STXBP6: variants seen among roughly 807,000 people sequenced by gnomAD.
The protein encoded by STXBP6 is syntaxin-binding protein 6.
In STXBP6, 21 loss-of-function variants were observed where a neutral mutation model predicts 26.9. That is an observed-to-expected ratio of 0.78 (90% CI 0.55 to 1.12). The LOEUF (loss-of-function observed/expected upper bound fraction) is 1.12. STXBP6 is among the 50% of genes most tolerant of loss of function. STXBP6 has a pLI of 0.00. For missense variants in STXBP6, 232 were observed against 257.9 expected, an observed-to-expected ratio of 0.90 and a Z score of 0.69; for synonymous variants, 97 against 92.6, an observed-to-expected ratio of 1.05 and a Z score of -0.27.
chr14:24,964,412 T>A (rs577478359), intron 2 of STXBP6, among the ~76,000 whole-genome samples: 2 of 152,304 alleles, frequency 1.3e-5, no homozygotes, highest in East Asian at 3.9e-4. Flanking sequence ...TAGTTTCTTC[T>A]GGAAAATTCT....
intron 2 of STXBP6, among the ~76,000 whole-genome samples, chr14:24,923,713 CT>C (rs1303190284): frequency 2.0e-5 from 3 of 152,158 alleles, no homozygotes; most frequent in African/African-American, 7.2e-5. Flanking sequence ...TTCATGTTTA[CT>C]GGTCATTTGC....
intron 2 of STXBP6, among the ~76,000 whole-genome samples, chr14:24,875,132 G>A (rs957370818): frequency 6.6e-6 from 1 of 152,112 alleles, no homozygotes; most frequent in African/African-American, 2.4e-5. Flanking sequence ...GCCCTGGACC[G>A]GGAGTCAGGA....
At chr14:24,934,685 T>A (rs1828449224) in intron 2 of STXBP6, among the ~76,000 whole-genome samples, 1 of 152,068 alleles carries the variant, frequency 6.6e-6, no homozygotes, top group Non-Finnish European at 1.5e-5. Context: ...GTTTGCAGAA[T>A]AGAATGTAAA....
At chr14:24,879,304 A>G (rs2070264890) in intron 2 of STXBP6, among the ~76,000 whole-genome samples, 1 of 152,222 alleles carries the variant, frequency 6.6e-6, no homozygotes, top group African/African-American at 2.4e-5. Context: ...AGAGAATGGA[A>G]GCATAATAGA....
chr14:24,828,654 T>C (rs2068360353), intron 4 of STXBP6, among the ~76,000 whole-genome samples: 1 of 152,084 alleles, frequency 6.6e-6, no homozygotes, highest in Non-Finnish European at 1.5e-5. Context: ...GTCAAACATA[T>C]CCACTAGGTA....
At chr14:24,981,860 C>T (rs1053938773) in intron 1 of STXBP6, among the ~76,000 whole-genome samples, 1 of 152,156 alleles carries the variant, frequency 6.6e-6, no homozygotes, top group Non-Finnish European at 1.5e-5. Context: ...CAGAATATTA[C>T]ATATCCTTTT....
intron 1 of STXBP6, among the ~76,000 whole-genome samples, chr14:25,003,015 C>T (rs574543477): frequency 6.6e-6 from 1 of 152,280 alleles, no homozygotes; most frequent in African/African-American, 2.4e-5. Context: ...ATGTGAGCCA[C>T]CGCGGCCGGC....
At chr14:24,976,855 T>C (rs1184800555) in intron 1 of STXBP6, among the ~76,000 whole-genome samples, 1 of 116,334 alleles carries the variant, frequency 8.6e-6, no homozygotes, top group Admixed American at 8.2e-5. Flanking sequence ...GGGCGCTCTT[T>C]TTTTTTTTTT....
At chr14:24,943,960 T>C (rs1310673187) in intron 2 of STXBP6, among the ~76,000 whole-genome samples, 1 of 140,120 alleles carries the variant, frequency 7.1e-6, no homozygotes, top group South Asian at 2.4e-4. Flanking sequence ...AGCAACATGA[T>C]TTTCTTAAAT....
intron 2 of STXBP6, among the ~76,000 whole-genome samples, chr14:24,898,845 C>T (rs1469945608): frequency 6.6e-6 from 1 of 152,162 alleles, no homozygotes; most frequent in Non-Finnish European, 1.5e-5. Flanking sequence ...TGTGTATATG[C>T]ATATGCAGAC....
At chr14:24,827,179 C>T (rs1196613115) in intron 4 of STXBP6, among the ~76,000 whole-genome samples, 1 of 152,022 alleles carries the variant, frequency 6.6e-6, no homozygotes, top group African/African-American at 2.4e-5. Flanking sequence ...CCAGTCTGGA[C>T]AATAGAGCCA....
At chr14:25,044,707 C>A (rs537851385) in intron 1 of STXBP6, among the ~76,000 whole-genome samples, 1 of 152,334 alleles carries the variant, frequency 6.6e-6, no homozygotes, top group South Asian at 2.1e-4. Context: ...CCTTGACCTG[C>A]TGGCATTACA....
At position 24,886,162 on chromosome 14, in the gene STXBP6, T is replaced by C. The variant is rs114540066; in HGVS notation, c.155-29005A>G. 2.3e-3 allele frequency among the ~76,000 whole-genome samples: 351 copies of C among 152,316 alleles called. 3 individuals carry two copies. The highest frequency in any genetic ancestry group is 7.9e-3 in the African/African-American group (327 of 41,576). On this transcript the variant is annotated intron_variant, in intron 2 of 5. Transcript: ENST00000323944. ...GAAACTTCTACTTGCCCCAATCGCTTTGAGTTCACAAAAAAGGAGGGAAAC... is the reference window on the plus strand; with the variant it reads ...GAAACTTCTACTTGCCCCAATCGCTCTGAGTTCACAAAAAAGGAGGGAAAC...
chr14:25,012,150 G>C (rs992219730), intron 1 of STXBP6, among the ~76,000 whole-genome samples: 2 of 151,978 alleles, frequency 1.3e-5, no homozygotes, highest in African/African-American at 4.8e-5. Context: ...CACAAAAATG[G>C]AGTTAAAAAA....
intron 4 of STXBP6, among the ~76,000 whole-genome samples, chr14:24,836,166 T>C (rs2068605823): frequency 6.6e-6 from 1 of 152,258 alleles, no homozygotes; most frequent in South Asian, 2.1e-4. Flanking sequence ...AATAAGATGA[T>C]TGGCAACATG....
At chr14:24,826,160 A>G (rs2068275147) in intron 4 of STXBP6, among the ~76,000 whole-genome samples, 1 of 152,176 alleles carries the variant, frequency 6.6e-6, no homozygotes, top group Non-Finnish European at 1.5e-5. Context: ...TACATATACA[A>G]ATTGAAAACT....
intron 1 of STXBP6, among the ~76,000 whole-genome samples, chr14:25,012,886 A>G (rs905167918): frequency 6.6e-6 from 1 of 152,160 alleles, no homozygotes; most frequent in Non-Finnish European, 1.5e-5. Flanking sequence ...GAGACCACAC[A>G]AAGGGATTCC....
intron 1 of STXBP6, among the ~76,000 whole-genome samples, chr14:25,022,755 G>A (rs1355787893): frequency 1.3e-5 from 2 of 152,118 alleles, no homozygotes; most frequent in African/African-American, 4.8e-5. Flanking sequence ...TCTCATCCAA[G>A]ACTGAGTCTT....
intron 4 of STXBP6, among the ~76,000 whole-genome samples, chr14:24,834,203 C>T (rs956695469): frequency 6.6e-6 from 1 of 152,112 alleles, no homozygotes; most frequent in Non-Finnish European, 1.5e-5. Context: ...CTATGTTGCC[C>T]AGGCTAGTCT....
Sources: allele counts gnomAD v4.1 joint callset (sites outside exome capture counted in the v4.1 genomes callset), GRCh38; gene constraint gnomAD v4.1.1; transcripts MANE v1.5; gene names NCBI Gene and HGNC (gene_info 2026-07-23, HGNC 2026-07-21).